EPS15: variants seen among roughly 807,000 people sequenced by gnomAD.
The protein encoded by EPS15 is epidermal growth factor receptor substrate 15.
A neutral mutation model predicts 113.8 loss-of-function variants in EPS15; 72 were observed. The observed-to-expected ratio is 0.63, with a 90% CI of 0.52 to 0.77. EPS15 has a LOEUF of 0.77. Ranked by LOEUF, EPS15 falls within the 30% of genes least tolerant of loss-of-function variation. EPS15 has a pLI of 0.00. For synonymous variants in EPS15, 344 were observed against 363.4 expected (o/e 0.95, Z 0.61); for missense variants, 1,048 against 1,045.8 (o/e 1.00, Z -0.03).
intron 21 of EPS15, among the ~76,000 whole-genome samples, chr1:51,384,659 C>A (rs536586345): frequency 6.6e-6 from 1 of 152,000 alleles, no homozygotes; most frequent in Non-Finnish European, 1.5e-5. Flanking sequence ...TAAAAAGGAA[C>A]AACAAAGTTG....
At chr1:51,419,640 ACT>A (rs1650560641) in intron 13 of EPS15, among the ~76,000 whole-genome samples, 1 of 151,900 alleles carries the variant, frequency 6.6e-6, no homozygotes, top group Non-Finnish European at 1.5e-5. Context: ...AGTGAAATAC[ACT>A]CTCTTTGATT....
At chr1:51,420,176 C>CTTA (rs1650618201) in intron 13 of EPS15, among the ~76,000 whole-genome samples, 1 of 152,034 alleles carries the variant, frequency 6.6e-6, no homozygotes, top group Non-Finnish European at 1.5e-5. Flanking sequence ...ATACACCTTA[C>CTTA]CATTGCCACT....
chr1:51,402,613 C>A, intron 17 of EPS15, 88 bp from the exon 18 acceptor site: 2 of 667,828 alleles, frequency 3.0e-6, no homozygotes, highest in South Asian at 4.2e-5. Context: ...ACATTCAGGT[C>A]ATACACATGC....
At chr1:51,448,643 CA>C (rs1035827007) in intron 8 of EPS15, among the ~76,000 whole-genome samples, 1 of 152,124 alleles carries the variant, frequency 6.6e-6, no homozygotes, top group Non-Finnish European at 1.5e-5. Flanking sequence ...ACCTAATTGG[CA>C]AAAACTCAAA....
chr1:51,364,174 T>A (rs1646454096), intron 22 of EPS15, 146 bp from the exon 23 acceptor site: 1 of 570,338 alleles, frequency 1.8e-6, no homozygotes, highest in African/African-American at 1.9e-5. Context: ...GCATTCAGGG[T>A]CCAATGGGAG....
In EPS15 at chr1:51,502,134, G is replaced by A. The variant is rs114476788; in HGVS notation, c.33+17065C>T. Among the ~76,000 whole-genome samples the A allele has an allele frequency of 2.2e-3, 331 of 152,204 alleles. 1 individual carries two copies. The highest frequency in any genetic ancestry group is 7.8e-3 in the African/African-American group (323 of 41,524). ...AGCAAACAAATTAGCCAGATGTGGT[G>A]GTGCATGCCTGTTGCCCCAGTTACT... On this transcript the variant is annotated intron_variant, in intron 1 of 24. Coordinates refer to ENST00000371733, the MANE Select transcript of EPS15 (RefSeq NM_001981.3).
At chr1:51,357,422 ATATATTTTT>A (rs1646259108) in intron 24 of EPS15, among the ~76,000 whole-genome samples, 3 of 71,070 alleles carry the variant, frequency 4.2e-5, no homozygotes, top group African/African-American at 7.7e-5. Flanking sequence ...ATATATATAT[ATATATTTTT>A]TTTTTTTAAA....
At chr1:51,426,373 C>T (rs1364559899) in intron 12 of EPS15, among the ~76,000 whole-genome samples, 1 of 147,308 alleles carries the variant, frequency 6.8e-6, no homozygotes, top group Non-Finnish European at 1.5e-5. Context: ...GTGACCAATG[C>T]CAAAGCAGTC....
At chr1:51,459,059 G>A (rs1176991681) in intron 8 of EPS15, 1 of 152,128 alleles carries the variant, frequency 6.6e-6, no homozygotes, top group African/African-American at 2.4e-5. Flanking sequence ...AAGAATTCAA[G>A]TCACTTTAAG....
At chr1:51,476,893 A>G (rs948777302) in intron 2 of EPS15, among the ~76,000 whole-genome samples, 1 of 152,304 alleles carries the variant, frequency 6.6e-6, no homozygotes. Flanking sequence ...GATGTTCATC[A>G]GGGATATTGG....
At position 51,409,628 on chromosome 1, in the gene EPS15, T is replaced by C. The variant is rs1267552500; in HGVS notation, c.1182A>G (p.Val394=). 1.2e-6 allele frequency: 2 copies of C among 1,613,744 alleles called. No homozygotes were observed. Among genetic ancestry groups the C allele is most frequent in the Non-Finnish European group, 8.5e-7 (1 of 1,179,676 alleles). Residue 394 remains valine (V), a synonymous_variant, in exon 14 of 25, where the codon GTA becomes GTG. Coordinates refer to ENST00000371733, the MANE Select transcript of EPS15 (RefSeq NM_001981.3). ...LQKLQAQKQQ[V]QELLDELDEQ... Reference sequence around the variant, plus strand: ...CATCCAGTTCATCAAGGAGTTCCTGTACCTGCTGTTTCTGGGCCTGTAGTT... The same window carrying C: ...CATCCAGTTCATCAAGGAGTTCCTGCACCTGCTGTTTCTGGGCCTGTAGTT...
chr1:51,473,715 A>T (rs1222116902), intron 2 of EPS15, among the ~76,000 whole-genome samples: 1 of 152,192 alleles, frequency 6.6e-6, no homozygotes, highest in Non-Finnish European at 1.5e-5. Context: ...TAACAGGATA[A>T]TAGTATATTT....
At chr1:51,501,053 A>C (rs1374150551) in intron 1 of EPS15, among the ~76,000 whole-genome samples, 1 of 152,164 alleles carries the variant, frequency 6.6e-6, no homozygotes, top group Non-Finnish European at 1.5e-5. Flanking sequence ...TAAAAAACAC[A>C]AAAGAAAGAA....
At position 51,403,410 on chromosome 1, in the gene EPS15, AT is replaced by A. The variant is rs1387629450; in HGVS notation, c.1791+8del. The stretch of plus-strand genomic sequence containing the variant: ...AAGTCCCCAATGTAAATATAAAATC[AT>A]TTTTTACCTCTTTTGAATGTCTATT... On this transcript the variant is annotated splice_region_variant and intron_variant, in intron 17 of 24. Coordinates refer to ENST00000371733, the MANE Select transcript of EPS15 (RefSeq NM_001981.3). The A allele has an allele frequency of 6.7e-7, 1 of 1,496,836 alleles. No homozygotes were observed. Among genetic ancestry groups the A allele is most frequent in the Non-Finnish European group, 9.2e-7 (1 of 1,081,186 alleles). 92.7% of individuals were successfully genotyped at this position (1,496,836 alleles called of 1,614,324 possible).
chr1:51,357,426 A>ATATATATATATATATATAT (rs1443627608), intron 24 of EPS15, among the ~76,000 whole-genome samples: 1 of 53,526 alleles, frequency 1.9e-5, no homozygotes, highest in African/African-American at 9.7e-5. Flanking sequence ...ATATATATAT[A>ATATATATATATATATATAT]TTTTTTTTTT....
intron 13 of EPS15, among the ~76,000 whole-genome samples, chr1:51,413,487 G>A (rs1010249166): frequency 6.6e-6 from 1 of 152,014 alleles, no homozygotes; most frequent in African/African-American, 2.4e-5. Flanking sequence ...AAAACTAATG[G>A]GAAACACGCA....
rs1650434500 is a variant in EPS15 at position 51,418,372 on chromosome 1, A to G, written c.1113+3414T>C. On this transcript the variant is annotated intron_variant, in intron 13 of 24. Transcript: ENST00000371733. The stretch of plus-strand genomic sequence containing the variant: ...GATATCCAGGAGAATACAACCCAAG[A>G]AAGGAGTACCTAATACAAGAAGGAC... 2.0e-5 allele frequency among the ~76,000 whole-genome samples: 3 copies of G among 152,082 alleles called. No individual in the cohort carries two copies. In the South Asian group the frequency reaches 6.2e-4, roughly 31 times the overall value.
chr1:51,445,607 T>C (rs1236625830), intron 10 of EPS15, among the ~76,000 whole-genome samples: 1 of 151,540 alleles, frequency 6.6e-6, no homozygotes, highest in African/African-American at 2.4e-5. Context: ...GAAGAGAAAC[T>C]GCAAAGGTTT....
chr1:51,403,439 T>C lies in EPS15; in HGVS notation c.1771A>G (p.Asn591Asp), dbSNP rs1351131134. The C allele has an allele frequency of 1.9e-6, 3 of 1,600,350 alleles. No individual in the cohort carries two copies. The highest frequency in any genetic ancestry group is 2.6e-6 in the Non-Finnish European group (3 of 1,169,478). The change falls in exon 17 of 25, where the codon AAT becomes GAT. Residue 591 changes from asparagine to aspartate, a missense_variant. Physicochemically the swap from Asn to Asp is conservative, Grantham distance 23. Transcript: ENST00000371733. ...VTEKVCSELD[N>D]NRHSKEEDPF... The stretch of plus-strand genomic sequence containing the variant: ...TTTACCTCTTTTGAATGTCTATTAT[T>C]GTCGAGTTCAGAACAAACTTTTTCA...
Sources: gnomAD v4.1 joint callset for allele counts (sites outside exome capture counted in the v4.1 genomes callset) on GRCh38, gnomAD v4.1.1 for gene constraint, MANE v1.5 for transcripts, NCBI Gene and HGNC (gene_info 2026-07-23, HGNC 2026-07-21) for gene names.